Variants in MAP4K3 observed in about 807,000 individuals in gnomAD.
The protein encoded by MAP4K3 is MAPK/ERK kinase kinase kinase 3.
Under a neutral mutation model 143.5 loss-of-function variants are expected in MAP4K3, and 94 were observed. The ratio of observed to expected loss-of-function variants is 0.65; its 90% CI spans 0.55 to 0.78. The LOEUF (loss-of-function observed/expected upper bound fraction) is 0.78. Among genes scored for constraint, MAP4K3 ranks in the 30% least tolerant of loss-of-function variants. The pLI, the probability that MAP4K3 is intolerant of heterozygous loss-of-function variation, is 0.00. For missense variants in MAP4K3, 1,077 were observed against 1,068.1 expected, an observed-to-expected ratio of 1.01 and a Z score of -0.12; for synonymous variants, 416 against 347.2, an observed-to-expected ratio of 1.20 and a Z score of -2.20.
intron 3 of MAP4K3, among the ~76,000 whole-genome samples, chr2:39,352,062 C>A (rs1043931756): frequency 1.3e-5 from 2 of 152,102 alleles, no homozygotes; most frequent in Non-Finnish European, 2.9e-5. Flanking sequence ...GTTGGCCAGG[C>A]GTGGTGGCTC....
intron 16 of MAP4K3, among the ~76,000 whole-genome samples, chr2:39,298,220 T>G (rs1288853113): frequency 6.6e-6 from 1 of 152,132 alleles, no homozygotes; most frequent in Non-Finnish European, 1.5e-5. Flanking sequence ...CAAACTTTCC[T>G]TTGTTTTTCA....
intron 24 of MAP4K3, among the ~76,000 whole-genome samples, chr2:39,272,987 T>C (rs1681094697): frequency 6.6e-6 from 1 of 151,424 alleles, no homozygotes; most frequent in Non-Finnish European, 1.5e-5. Flanking sequence ...GAACACAGGA[T>C]ACAGAAACAC....
chr2:39,309,389 A>C (rs1682856909), intron 14 of MAP4K3, 72 bp downstream of exon 14: 2 of 1,174,896 alleles, frequency 1.7e-6, no homozygotes, highest in Non-Finnish European at 2.5e-6. Context: ...TTTGGTCAGT[A>C]CTAATACATC....
intron 1 of MAP4K3, among the ~76,000 whole-genome samples, chr2:39,420,330 T>C (rs72931124): frequency 0.013 from 2,003 of 152,374 alleles, 45 homozygotes; most frequent in African/African-American, 0.046. Flanking sequence ...ACAGAATAGG[T>C]GTTTTATATT....
intron 26 of MAP4K3, among the ~76,000 whole-genome samples, chr2:39,268,828 C>G (rs545590824): frequency 6.6e-6 from 1 of 151,764 alleles, no homozygotes; most frequent in Admixed American, 6.6e-5. Context: ...TTAGTAGAGA[C>G]GGGGTTTCGA....
chr2:39,271,098 G>A (rs1211404818), intron 26 of MAP4K3, among the ~76,000 whole-genome samples: 2 of 151,944 alleles, frequency 1.3e-5, no homozygotes, highest in South Asian at 2.1e-4. Flanking sequence ...AATGATCCAG[G>A]ATTTAAATTC....
At chr2:39,288,003 A>T in intron 20 of MAP4K3, 118 bp downstream of exon 20, 1 of 1,231,642 alleles carries the variant, frequency 8.1e-7, no homozygotes, top group Non-Finnish European at 1.2e-6. Flanking sequence ...CTCCATAGCC[A>T]CTGCTTTCCT....
rs1287093700 is a variant in MAP4K3, at chr2:39,437,124, G to T, written c.-137C>A. On this transcript the variant is annotated 5_prime_UTR_variant, in exon 1 of 34. Transcript: ENST00000263881. ...AATCACCCGGCTCCACGCTGCGGCCGCCGCCGCCGCCGCCGCTCCCCTCAC... is the reference window on the plus strand; with the variant it reads ...AATCACCCGGCTCCACGCTGCGGCCTCCGCCGCCGCCGCCGCTCCCCTCAC... The T allele has an allele frequency of 4.3e-6, 2 of 465,782 alleles. No individual in the cohort carries two copies. The highest frequency in any genetic ancestry group is 7.3e-6 in the Non-Finnish European group (2 of 275,672). 28.9% of individuals were successfully genotyped at this position (465,782 alleles called of 1,614,324 possible). A position where few individuals can be genotyped will look rare whatever the true frequency, so the allele number is the denominator to read the frequency against.
chr2:39,404,605 T>A (rs1482887127), intron 1 of MAP4K3, among the ~76,000 whole-genome samples: 1 of 150,202 alleles, frequency 6.7e-6, no homozygotes, highest in Non-Finnish European at 1.5e-5. Flanking sequence ...CTTTTTTTTT[T>A]CTTCTTTCTT....
At chr2:39,317,069 G>A (rs751425548) in intron 12 of MAP4K3, among the ~76,000 whole-genome samples, 8 of 152,012 alleles carry the variant, frequency 5.3e-5, no homozygotes, top group Non-Finnish European at 1.2e-4. Flanking sequence ...TAGACATATA[G>A]ACCAATGGAA....
At chr2:39,276,327 C>T (rs1417630455) in intron 24 of MAP4K3, among the ~76,000 whole-genome samples, 1 of 152,214 alleles carries the variant, frequency 6.6e-6, no homozygotes, top group African/African-American at 2.4e-5. Context: ...GGCACCCAGT[C>T]ACTCAAGTGG....
chr2:39,360,340 G>C (rs1665731841), intron 2 of MAP4K3, among the ~76,000 whole-genome samples: 1 of 152,164 alleles, frequency 6.6e-6, no homozygotes, highest in Admixed American at 6.5e-5. Context: ...TCAGCATTTT[G>C]ATCAAAGCCA....
chr2:39,314,939 C>T (rs1039050543), intron 13 of MAP4K3, among the ~76,000 whole-genome samples: 2 of 152,158 alleles, frequency 1.3e-5, no homozygotes, highest in Non-Finnish European at 2.9e-5. Flanking sequence ...GCATGAATGA[C>T]GTGGGAGCTT....
At chr2:39,265,805 C>T (rs1193445004) in intron 27 of MAP4K3, among the ~76,000 whole-genome samples, 1 of 152,110 alleles carries the variant, frequency 6.6e-6, no homozygotes, top group African/African-American at 2.4e-5. Context: ...CACTAGAAAA[C>T]ATCACAGATA....
intron 31 of MAP4K3, 76 bp downstream of exon 31, chr2:39,258,272 C>T (rs1243769402): frequency 2.0e-6 from 2 of 985,526 alleles, no homozygotes; most frequent in Non-Finnish European, 1.5e-6. Context: ...TAATATCAAT[C>T]TTTAATTTTG....
chr2:39,368,709 G>C (rs1369848902), intron 2 of MAP4K3, among the ~76,000 whole-genome samples: 1 of 151,892 alleles, frequency 6.6e-6, no homozygotes, highest in Non-Finnish European at 1.5e-5. Context: ...AAGAAAAAAA[G>C]TTAAATAAAA....
rs140316812 is a variant in MAP4K3, at chr2:39,383,922, T to C, written c.97-5799A>G. Among the ~76,000 whole-genome samples the C allele has an allele frequency of 1.7e-3, 251 of 151,958 alleles. 6 individuals are homozygous for C. The East Asian group carries it at 0.023, about 14-fold the overall frequency. On this transcript the variant is annotated intron_variant, in intron 1 of 33. Transcript: ENST00000263881. ...GAGTTCAAGACCAGCCTGGGAAACA[T>C]GGTGAAACCCTGTCTCTACAAAAAA...
At chr2:39,324,688 G>C (rs991428698) in intron 12 of MAP4K3, among the ~76,000 whole-genome samples, 4 of 152,096 alleles carry the variant, frequency 2.6e-5, no homozygotes, top group African/African-American at 9.7e-5. Flanking sequence ...AAAGCCAGTA[G>C]AGTTAAAGCC....
intron 2 of MAP4K3, among the ~76,000 whole-genome samples, chr2:39,374,589 G>C (rs1041739033): frequency 6.6e-6 from 1 of 151,806 alleles, no homozygotes; most frequent in African/African-American, 2.4e-5. Context: ...AGCTGAGGCA[G>C]GAGAATCACT....
Sources: allele counts gnomAD v4.1 joint callset (sites outside exome capture counted in the v4.1 genomes callset), GRCh38; gene constraint gnomAD v4.1.1; transcripts MANE v1.5; gene names NCBI Gene and HGNC (gene_info 2026-07-23, HGNC 2026-07-21).